The following PTPN14 variants were observed in gnomAD, a reference collection of about 807,000 sequenced individuals.
PTPN14 encodes tyrosine-protein phosphatase non-receptor type 14.
A neutral mutation model predicts 126.8 loss-of-function variants in PTPN14; 53 were observed. That is an observed-to-expected ratio of 0.42 (90% CI 0.34 to 0.53). The LOEUF (loss-of-function observed/expected upper bound fraction) is 0.53. PTPN14 is among the 20% of genes least tolerant of loss of function. The pLI is 0.08. For synonymous variants in PTPN14, 630 were observed against 599.3 expected (o/e 1.05, Z -0.75); for missense variants, 1,257 against 1,552.9 (o/e 0.81, Z 3.20).
chr1:214,538,294 G>A (rs748108705), intron 1 of PTPN14, among the ~76,000 whole-genome samples: 23 of 152,236 alleles, frequency 1.5e-4, no homozygotes, highest in Non-Finnish European at 2.6e-4. Context: ...TGTGGAATCA[G>A]AGAGAACGGG....
At position 214,350,751 on chromosome 1, in the gene PTPN14, A is replaced by T. The variant is rs1369683366; in HGVS notation, c.*7171T>A. 2 of 107,378 alleles carry T rather than the reference A, an allele frequency of 1.9e-5. No homozygotes were observed. Among genetic ancestry groups the T allele is most frequent in the Admixed American group, 2.5e-4 (2 of 7,856 alleles). 6.7% of individuals were successfully genotyped at this position (107,378 alleles called of 1,614,324 possible). Reference sequence around the variant, plus strand: ...TTTTTGTATTTTTAGTAGAGACGGGATTTCACCATGTTGGCCAGGCTGGTC... The same window carrying T: ...TTTTTGTATTTTTAGTAGAGACGGGTTTTCACCATGTTGGCCAGGCTGGTC... On this transcript the variant is annotated 3_prime_UTR_variant, in exon 19 of 19. Coordinates refer to ENST00000366956, the MANE Select transcript of PTPN14 (RefSeq NM_005401.5).
At chr1:214,543,518 A>G (rs1322740746) in intron 1 of PTPN14, among the ~76,000 whole-genome samples, 1 of 152,206 alleles carries the variant, frequency 6.6e-6, no homozygotes, top group East Asian at 1.9e-4. Flanking sequence ...ACAAGATGTA[A>G]TTTTCCCAGA....
At chr1:214,426,031 G>A (rs1429524565) in intron 3 of PTPN14, among the ~76,000 whole-genome samples, 1 of 4,278 alleles carries the variant, frequency 2.3e-4, no homozygotes, top group Non-Finnish European at 4.2e-4. Context: ...AGCATAAATC[G>A]CAAAAAAAAA....
intron 3 of PTPN14, among the ~76,000 whole-genome samples, chr1:214,423,955 TG>T: frequency 6.6e-6 from 1 of 151,788 alleles, no homozygotes; most frequent in Non-Finnish European, 1.5e-5. Context: ...CACTCCAGCC[TG>T]GGTGACAGAG....
chr1:214,374,022 T>C (rs554477888), intron 15 of PTPN14, among the ~76,000 whole-genome samples: 4 of 152,252 alleles, frequency 2.6e-5, no homozygotes, highest in African/African-American at 9.6e-5. Context: ...AATAAGAAGT[T>C]GTACCCAAAG....
intron 1 of PTPN14, among the ~76,000 whole-genome samples, chr1:214,467,753 G>A (rs911271745): frequency 6.6e-6 from 1 of 152,140 alleles, no homozygotes; most frequent in African/African-American, 2.4e-5. Flanking sequence ...GGTGTATCAG[G>A]AGCGATGGCT....
chr1:214,541,982 G>A (rs187459743), intron 1 of PTPN14, among the ~76,000 whole-genome samples: 3 of 152,230 alleles, frequency 2.0e-5, no homozygotes, highest in Admixed American at 2.0e-4. Context: ...ATAAACACAC[G>A]TTTCCATCAC....
At chr1:214,548,884 C>G (rs1220854068) in intron 1 of PTPN14, among the ~76,000 whole-genome samples, 1 of 152,182 alleles carries the variant, frequency 6.6e-6, no homozygotes, top group Admixed American at 6.5e-5. Context: ...ACCAGCATGA[C>G]ACAGTATGCA....
chr1:214,499,087 T>C (rs547721808), intron 1 of PTPN14, among the ~76,000 whole-genome samples: 2 of 152,226 alleles, frequency 1.3e-5, no homozygotes, highest in Admixed American at 6.5e-5. Context: ...TAAGAGATAG[T>C]AGCCATCACA....
intron 1 of PTPN14, among the ~76,000 whole-genome samples, chr1:214,491,806 CCAAGT>C (rs1661257127): frequency 6.6e-6 from 1 of 152,042 alleles, no homozygotes; most frequent in Non-Finnish European, 1.5e-5. Context: ...AAATCTTTCC[CCAAGT>C]CTAGTTCATC....
In PTPN14 at chr1:214,536,133, T is replaced by C. The variant is rs149789474; in HGVS notation, c.-155+15050A>G. On this transcript the variant is annotated intron_variant, in intron 1 of 18. Coordinates refer to ENST00000366956, the MANE Select transcript of PTPN14 (RefSeq NM_005401.5). The stretch of plus-strand genomic sequence containing the variant: ...GGCCAGGTACAGTAGCTCACACCTA[T>C]AATCCCAGAATTTTGGAAGGCCAAG... 5.0e-3 allele frequency among the ~76,000 whole-genome samples: 609 copies of C among 122,328 alleles called. 3 individuals are homozygous for C. Among genetic ancestry groups the C allele is most frequent in the Non-Finnish European group, 7.9e-3 (499 of 62,924 alleles). The allele number at this position is 122,328 out of a possible 152,430, so 80.3% of individuals were successfully genotyped here.
At chr1:214,395,029 A>C (rs771406180) in intron 8 of PTPN14, 43 bp from the exon 9 acceptor site, 3 of 1,531,602 alleles carry the variant, frequency 2.0e-6, no homozygotes, top group Non-Finnish European at 2.7e-6. Context: ...ACAATGTTCC[A>C]GGCATTTATG....
intron 17 of PTPN14, among the ~76,000 whole-genome samples, chr1:214,366,844 G>A (rs531130749): frequency 7.9e-5 from 12 of 152,124 alleles, no homozygotes; most frequent in Middle Eastern, 3.4e-3. Context: ...TTAGCCAGGC[G>A]TGGTGGTGGG....
intron 1 of PTPN14, among the ~76,000 whole-genome samples, chr1:214,541,289 T>C (rs1369333998): frequency 6.6e-6 from 1 of 152,128 alleles, no homozygotes; most frequent in Non-Finnish European, 1.5e-5. Flanking sequence ...AATAACAGCA[T>C]AAGTCAAAGC....
intron 2 of PTPN14, among the ~76,000 whole-genome samples, chr1:214,455,160 T>G (rs1040961820): frequency 1.3e-5 from 2 of 152,234 alleles, no homozygotes; most frequent in Non-Finnish European, 2.9e-5. Flanking sequence ...TCATTTCAAC[T>G]AGCATGTGCA....
At chr1:214,390,258 A>G (rs1658718254) in intron 11 of PTPN14, among the ~76,000 whole-genome samples, 2 of 152,338 alleles carry the variant, frequency 1.3e-5, no homozygotes, top group Admixed American at 1.3e-4. Flanking sequence ...AAGAAAACCA[A>G]TTCTTAACAT....
At chr1:214,509,485 T>A (rs1235841436) in intron 1 of PTPN14, among the ~76,000 whole-genome samples, 1 of 152,216 alleles carries the variant, frequency 6.6e-6, no homozygotes. Flanking sequence ...AAGTTTGTGG[T>A]TGGTTCAATC....
intron 1 of PTPN14, among the ~76,000 whole-genome samples, chr1:214,510,645 C>T (rs1654950979): frequency 6.6e-6 from 1 of 152,176 alleles, no homozygotes; most frequent in Non-Finnish European, 1.5e-5. Context: ...CTCCCAATCT[C>T]ACCCCAAAAA....
intron 1 of PTPN14, among the ~76,000 whole-genome samples, chr1:214,501,280 C>T (rs1654688602): frequency 6.6e-6 from 1 of 152,040 alleles, no homozygotes; most frequent in Non-Finnish European, 1.5e-5. Context: ...TCGCTCTTTT[C>T]GCCCAGACTG....
Sources: gnomAD v4.1 joint callset for allele counts (sites outside exome capture counted in the v4.1 genomes callset) on GRCh38, gnomAD v4.1.1 for gene constraint, MANE v1.5 for transcripts, NCBI Gene and HGNC (gene_info 2026-07-23, HGNC 2026-07-21) for gene names.